PRKAR1A: variants seen among roughly 807,000 people sequenced by gnomAD.
PRKAR1A encodes the protein cAMP-dependent protein kinase type I-alpha regulatory subunit.
A neutral mutation model predicts 52.0 loss-of-function variants in PRKAR1A; 3 were observed. The ratio of observed to expected loss-of-function variants is 0.06; its 90% CI spans 0.03 to 0.15. The LOEUF is 0.15. PRKAR1A is among the 10% of genes least tolerant of loss of function. The pLI, the probability that PRKAR1A is intolerant of heterozygous loss-of-function variation, is 1.00. For missense variants in PRKAR1A, 240 were observed against 477.4 expected, an observed-to-expected ratio of 0.50 and a Z score of 4.63; for synonymous variants, 188 against 168.4, an observed-to-expected ratio of 1.12 and a Z score of -0.90.
chr17:68,548,098 C>A (rs2086651572), intron 11 of PRKAR1A, among the ~76,000 whole-genome samples: 1 of 152,114 alleles, frequency 6.6e-6, no homozygotes, highest in Admixed American at 6.5e-5. Flanking sequence ...TTGGAGCAGT[C>A]AGAACACACA....
the PRKAR1A span, among the ~76,000 whole-genome samples, chr17:68,502,581 G>A: frequency 5.3e-5 from 8 of 151,834 alleles, no homozygotes; most frequent in African/African-American, 1.2e-4. Context: ...TGAAACCCCC[G>A]TCTCTACTAA....
At position 68,531,539 on chromosome 17, in the gene PRKAR1A, A is replaced by C; in HGVS notation, c.*1090A>C. 9.4e-7 allele frequency: 1 copy of C among 1,066,382 alleles called. No individual in the cohort carries two copies. Among genetic ancestry groups the C allele is most frequent in the Non-Finnish European group, 1.1e-6 (1 of 879,658 alleles). The allele number at this position is 1,066,382 out of a possible 1,614,324, so 66.1% of individuals were successfully genotyped here. On this transcript the variant is annotated 3_prime_UTR_variant, in exon 11 of 11. Transcript: ENST00000589228. ...CACTGGGGCATGAGATTTTGGAAGA[A>C]GTTTTTTACTTTGGTTTAGTCTTTT...
In PRKAR1A at chr17:68,530,877, A is replaced by AAACTCT; in HGVS notation, c.*430_*431insCTCTAA. The AAACTCT allele has an allele frequency of 8.8e-7, 1 of 1,141,394 alleles. No homozygotes were observed. 70.7% of individuals were successfully genotyped at this position (1,141,394 alleles called of 1,614,324 possible). ...TATATGCTGTATTTCTTTGTAGAAT[A>AAACTCT]AATGGTTTCTCATTAAACTCTAAAG... On this transcript the variant is annotated 3_prime_UTR_variant, in exon 11 of 11. Transcript: ENST00000589228.
At chr17:68,534,432 T>C (rs891622706), downstream of PRKAR1A, among the ~76,000 whole-genome samples, 9 of 152,236 alleles carry the variant, frequency 5.9e-5, no homozygotes, top group African/African-American at 2.2e-4. Flanking sequence ...ACAGGGCTTT[T>C]GCAGACATGA....
At chr17:68,515,206 AT>A in intron 1 of PRKAR1A, 187 bp from the exon 2 acceptor site, 1 of 637,000 alleles carries the variant, frequency 1.6e-6, no homozygotes, top group Non-Finnish European at 2.7e-6. Flanking sequence ...TAAATGAAAC[AT>A]TTACTTGGAA....
chr17:68,503,655 T>A, the PRKAR1A span, among the ~76,000 whole-genome samples: 3 of 152,184 alleles, frequency 2.0e-5, no homozygotes, highest in Non-Finnish European at 4.4e-5. Flanking sequence ...GGAGACAGAA[T>A]ATACAGAATA....
In PRKAR1A at chr17:68,540,893, C is replaced by T. The variant is rs376802484; in HGVS notation, c.974-10191C>T. 1.4e-4 allele frequency: 222 copies of T among 1,605,560 alleles called. No homozygotes were observed. The highest frequency in any genetic ancestry group is 5.6e-4 in the East Asian group (25 of 44,754). ...GGCCATGTCGATGACATTGAGGAGC[C>T]GCTGGCTGTTGTTGTACGGGTAGAT... On this transcript the variant is annotated intron_variant, in intron 11 of 11. Coordinates refer to the PRKAR1A transcript ENST00000585981.
chr17:68,455,380 A>G, the PRKAR1A span, among the ~76,000 whole-genome samples: 1 of 150,432 alleles, frequency 6.6e-6, no homozygotes, highest in Non-Finnish European at 1.5e-5. Context: ...AAAAAAAAAA[A>G]GTACCCAAAG....
At chr17:68,537,571 C>T, downstream of PRKAR1A, 2 of 1,613,224 alleles carry the variant, frequency 1.2e-6, no homozygotes, top group Non-Finnish European at 1.7e-6. This position sits in a 1 kb window ranked among gnomAD's most constrained non-coding sequence, Gnocchi z 4.2. Context: ...CACTATGCAC[C>T]CCTCCACTGT....
chr17:68,462,422 G>T, the PRKAR1A span, among the ~76,000 whole-genome samples: 2 of 152,186 alleles, frequency 1.3e-5, no homozygotes, highest in Non-Finnish European at 2.9e-5. Context: ...ACAGAGACGG[G>T]TTCAGCAGGT....
chr17:68,417,516 T>A, the PRKAR1A span, among the ~76,000 whole-genome samples: 1 of 152,036 alleles, frequency 6.6e-6, no homozygotes, highest in East Asian at 1.9e-4. Context: ...GAGTTTTTCA[T>A]CTCTCAGACT....
chr17:68,416,070 A>G, the PRKAR1A span, among the ~76,000 whole-genome samples: 1 of 152,036 alleles, frequency 6.6e-6, no homozygotes, highest in Admixed American at 6.6e-5. Flanking sequence ...TTTGTTGCCC[A>G]TGTGCCTTGG....
At chr17:68,490,215 C>T in the PRKAR1A span, among the ~76,000 whole-genome samples, 1 of 152,228 alleles carries the variant, frequency 6.6e-6, no homozygotes, top group Admixed American at 6.5e-5. Context: ...CCCTTTGGCC[C>T]TCTGGGCAGT....
chr17:68,435,168 T>C, the PRKAR1A span, among the ~76,000 whole-genome samples: 11 of 151,100 alleles, frequency 7.3e-5, no homozygotes, highest in East Asian at 1.9e-3. Flanking sequence ...GATTGCGCCA[T>C]TGCACTCCAG....
intron 11 of PRKAR1A, among the ~76,000 whole-genome samples, chr17:68,538,904 A>T (rs975170632): frequency 6.6e-6 from 1 of 152,156 alleles, no homozygotes; most frequent in Non-Finnish European, 1.5e-5. Context: ...AGTGATGGGG[A>T]TATGTTCTGA....
At chr17:68,546,676 A>G (rs2086581730) in intron 11 of PRKAR1A, among the ~76,000 whole-genome samples, 2 of 152,182 alleles carry the variant, frequency 1.3e-5, no homozygotes, top group South Asian at 4.2e-4. Flanking sequence ...TAAAAATACA[A>G]AAAATTATCC....
the PRKAR1A span, chr17:68,426,126 A>AAC: frequency 6.2e-7 from 1 of 1,611,834 alleles, no homozygotes; most frequent in Non-Finnish European, 8.5e-7. Flanking sequence ...TCGCAAACTC[A>AAC]TGTTCAGGAA....
intron 11 of PRKAR1A, chr17:68,542,766 C>T: frequency 6.2e-7 from 1 of 1,614,182 alleles, no homozygotes; most frequent in East Asian, 2.2e-5. Flanking sequence ...GTGACATTTA[C>T]TATCCTCCCC....
the PRKAR1A span, among the ~76,000 whole-genome samples, chr17:68,468,981 C>A: frequency 6.6e-6 from 1 of 152,158 alleles, no homozygotes; most frequent in Non-Finnish European, 1.5e-5. Flanking sequence ...CCTTGTCTGA[C>A]CTTATACTCT....
Sources: allele counts gnomAD v4.1 joint callset (sites outside exome capture counted in the v4.1 genomes callset), GRCh38; gene constraint gnomAD v4.1.1; non-coding constraint Gnocchi (gnomAD v3.1); transcripts MANE v1.5; gene names NCBI Gene and HGNC (gene_info 2026-07-23, HGNC 2026-07-21).